SGCD: variants seen among roughly 807,000 people sequenced by gnomAD.
The protein encoded by SGCD is sarcoglycan delta.
SGCD carries 18 observed loss-of-function variants against 36.6 expected under a neutral mutation model. That is an observed-to-expected ratio of 0.49 (90% CI 0.34 to 0.73). SGCD has a LOEUF of 0.73. Among genes scored for constraint, SGCD ranks in the 30% least tolerant of loss-of-function variants. The pLI is 0.01. For missense variants in SGCD, 387 were observed against 346.7 expected, an observed-to-expected ratio of 1.12 and a Z score of -0.92; for synonymous variants, 133 against 130.6, an observed-to-expected ratio of 1.02 and a Z score of -0.12.
chr5:156,611,629 A>T (rs1047720378), intron 6 of SGCD, among the ~76,000 whole-genome samples: 2 of 152,162 alleles, frequency 1.3e-5, no homozygotes, highest in African/African-American at 4.8e-5. Flanking sequence ...GGATCTTTGT[A>T]GACGTGGCGA....
At position 156,468,853 on chromosome 5, in the gene SGCD, G is replaced by A. The variant is rs535475198; in HGVS notation, c.193-39748G>A. Among the ~76,000 whole-genome samples, 26 of 152,244 alleles carry A rather than the reference G, an allele frequency of 1.7e-4. No individual in the cohort carries two copies. The South Asian group carries it at 2.3e-3, about 13-fold the overall frequency. ...CTAATAATAAAAAAACTAGCCAGGC[G>A]TGATGGCACATGCCCGTAATCCCAA... On this transcript the variant is annotated intron_variant, in intron 3 of 8. Coordinates refer to ENST00000337851, the MANE Select transcript of SGCD (RefSeq NM_000337.6).
At chr5:155,986,715 G>A (rs185423884) in intron 1 of SGCD, among the ~76,000 whole-genome samples, 38 of 152,270 alleles carry the variant, frequency 2.5e-4, no homozygotes, top group Admixed American at 1.6e-3. Flanking sequence ...AAATGGCTCC[G>A]TGCCCTTTTT....
chr5:155,816,582 A>G, the SGCD span, among the ~76,000 whole-genome samples: 1 of 152,160 alleles, frequency 6.6e-6, no homozygotes, highest in East Asian at 1.9e-4. Flanking sequence ...TGAAGTTCAA[A>G]CCTGCATTGT....
upstream of SGCD, among the ~76,000 whole-genome samples, chr5:156,324,264 G>T (rs1355208468): frequency 6.6e-6 from 1 of 152,034 alleles, no homozygotes; most frequent in African/African-American, 2.4e-5. Flanking sequence ...TCACATTTGA[G>T]GTTATTTTCT....
chr5:155,809,028 C>T, the SGCD span, among the ~76,000 whole-genome samples: 1 of 152,208 alleles, frequency 6.6e-6, no homozygotes, highest in Non-Finnish European at 1.5e-5. Flanking sequence ...ATATTAAGTG[C>T]ATTGTAAGAG....
chr5:156,423,830 T>A (rs1220013900), intron 3 of SGCD, among the ~76,000 whole-genome samples: 1 of 152,014 alleles, frequency 6.6e-6, no homozygotes, highest in African/African-American at 2.4e-5. Flanking sequence ...CCTAGCTTTG[T>A]CATCTATAGG....
intron 7 of SGCD, among the ~76,000 whole-genome samples, chr5:156,657,280 T>A (rs142167875): frequency 3.2e-4 from 48 of 152,090 alleles, no homozygotes; most frequent in African/African-American, 1.1e-3. Context: ...AGTTTTAGGG[T>A]ACATGTGCAC....
At chr5:155,952,502 A>G (rs1757567442) in intron 1 of SGCD, among the ~76,000 whole-genome samples, 1 of 152,058 alleles carries the variant, frequency 6.6e-6, no homozygotes, top group Non-Finnish European at 1.5e-5. Flanking sequence ...TCCACTTGTC[A>G]ATGTCTGCCT....
At chr5:155,857,079 C>CA in the SGCD span, among the ~76,000 whole-genome samples, 976 of 151,564 alleles carry the variant, frequency 6.4e-3, 6 homozygotes, top group African/African-American at 0.023. Context: ...ACGAAAAATA[C>CA]AAAAAAAATT....
intron 6 of SGCD, among the ~76,000 whole-genome samples, chr5:156,602,738 C>T (rs1421299289): frequency 6.6e-6 from 1 of 152,134 alleles, no homozygotes; most frequent in Non-Finnish European, 1.5e-5. Context: ...CGTAGTATAT[C>T]ACACTTATGG....
chr5:156,070,730 G>T (rs997831948), intron 1 of SGCD, among the ~76,000 whole-genome samples: 3 of 152,180 alleles, frequency 2.0e-5, no homozygotes, highest in East Asian at 3.9e-4. Flanking sequence ...TTGTACCTCT[G>T]GTAGAATTCG....
intron 3 of SGCD, among the ~76,000 whole-genome samples, chr5:156,271,196 G>T (rs1766167970): frequency 6.6e-6 from 1 of 152,088 alleles, no homozygotes; most frequent in African/African-American, 2.4e-5. Context: ...GGATATTTTT[G>T]GAGAATATCA....
At chr5:155,771,607 T>G in the SGCD span, among the ~76,000 whole-genome samples, 1 of 151,964 alleles carries the variant, frequency 6.6e-6, no homozygotes, top group Non-Finnish European at 1.5e-5. Context: ...TTATTTTTAG[T>G]AGAGATGGGG....
At chr5:156,580,556 CT>C (rs1407062781) in intron 4 of SGCD, among the ~76,000 whole-genome samples, 1 of 152,200 alleles carries the variant, frequency 6.6e-6, no homozygotes, top group Admixed American at 6.5e-5. Context: ...TAGATTTGGT[CT>C]TTTCACATGG....
At chr5:156,133,324 A>T (rs1199979590) in intron 3 of SGCD, among the ~76,000 whole-genome samples, 1 of 152,146 alleles carries the variant, frequency 6.6e-6, no homozygotes, top group Admixed American at 6.6e-5. Context: ...TTTAGCATTT[A>T]CTCTCTTCAA....
At chr5:156,328,978 T>A (rs1432683254) in intron 1 of SGCD, among the ~76,000 whole-genome samples, 1 of 152,136 alleles carries the variant, frequency 6.6e-6, no homozygotes, top group East Asian at 1.9e-4. Context: ...CCTCTATATT[T>A]AGCGTGCGTC....
At chr5:156,328,614 TAGA>T (rs202172144) in intron 1 of SGCD, among the ~76,000 whole-genome samples, 1,941 of 152,324 alleles carry the variant, frequency 0.013, 20 homozygotes, top group Middle Eastern at 0.021. Flanking sequence ...GTCCTGTTGG[TAGA>T]AGGTCAGGAT....
At chr5:156,613,790 A>C (rs1009833135) in intron 6 of SGCD, among the ~76,000 whole-genome samples, 15 of 152,228 alleles carry the variant, frequency 9.9e-5, no homozygotes, top group African/African-American at 3.6e-4. Context: ...GGTAACTTTC[A>C]AATGAGTTCA....
At chr5:156,688,059 G>A (rs1013997600) in intron 7 of SGCD, among the ~76,000 whole-genome samples, 1 of 152,102 alleles carries the variant, frequency 6.6e-6, no homozygotes, top group African/African-American at 2.4e-5. Context: ...GAGTTGTCTT[G>A]ATAATTGTTT....
Sources: gnomAD v4.1 joint callset for allele counts (sites outside exome capture counted in the v4.1 genomes callset) on GRCh38, gnomAD v4.1.1 for gene constraint, MANE v1.5 for transcripts, NCBI Gene and HGNC (gene_info 2026-07-23, HGNC 2026-07-21) for gene names.